The following NCALD variants were observed in gnomAD, a reference collection of about 807,000 sequenced individuals.
The protein encoded by NCALD is neurocalcin-delta.
NCALD carries 10 observed loss-of-function variants against 18.6 expected under a neutral mutation model. The ratio of observed to expected loss-of-function variants is 0.54; its 90% confidence interval spans 0.33 to 0.91. The LOEUF is 0.91. NCALD is among the 40% of genes least tolerant of loss of function. The pLI, the probability that NCALD is intolerant of heterozygous loss-of-function variation, is 0.03. For synonymous variants in NCALD, 88 were observed against 87.4 expected, an observed-to-expected ratio of 1.01 and a Z score of -0.04; for missense variants, 184 against 247.6, an observed-to-expected ratio of 0.74 and a Z score of 1.72.
intron 1 of NCALD, among the ~76,000 whole-genome samples, chr8:101,773,289 C>T (rs1811660133): frequency 1.3e-5 from 2 of 152,186 alleles, no homozygotes; most frequent in Non-Finnish European, 2.9e-5. Context: ...CCTCCCTCAC[C>T]AGTCAGTTCA....
intron 2 of NCALD, among the ~76,000 whole-genome samples, chr8:101,941,801 C>A (rs1299662373): frequency 1.3e-5 from 2 of 152,186 alleles, no homozygotes; most frequent in Non-Finnish European, 2.9e-5. Flanking sequence ...TGTTTGATAT[C>A]AGCTATTTTA....
At position 101,893,909 on chromosome 8, in the gene NCALD, A is replaced by G. The variant is rs1195404446; in HGVS notation, c.-106-6682T>C. 2.7e-5 allele frequency among the ~76,000 whole-genome samples: 4 copies of G among 146,854 alleles called. No homozygotes were observed. The East Asian group carries it at 7.7e-4, about 28-fold the overall frequency. Reference sequence around the variant, plus strand: ...AAGAGACGTAGACTCCCACACATTAATAATGGTAGACTTTAACACCCCACT... The same window carrying G: ...AAGAGACGTAGACTCCCACACATTAGTAATGGTAGACTTTAACACCCCACT... On this transcript the variant is annotated intron_variant, in intron 3 of 6. Transcript: ENST00000311028.
intron 4 of NCALD, among the ~76,000 whole-genome samples, chr8:101,851,579 A>C (rs768434929): frequency 6.6e-5 from 10 of 152,182 alleles, no homozygotes; most frequent in Non-Finnish European, 1.3e-4. Flanking sequence ...ATGAATAATC[A>C]AACTCTGTCT....
At chr8:102,117,736 A>C (rs560810694) in intron 1 of NCALD, among the ~76,000 whole-genome samples, 1 of 152,346 alleles carries the variant, frequency 6.6e-6, no homozygotes, top group African/African-American at 2.4e-5. Context: ...TGAATCAAGT[A>C]TGAAATATGC....
chr8:101,827,161 G>C (rs1025414449), intron 4 of NCALD, among the ~76,000 whole-genome samples: 9 of 152,192 alleles, frequency 5.9e-5, no homozygotes, highest in Non-Finnish European at 1.2e-4. Context: ...GTGGCTGTCA[G>C]CATTCATTGG....
intron 4 of NCALD, among the ~76,000 whole-genome samples, chr8:101,869,847 C>T (rs1441977392): frequency 6.6e-6 from 1 of 152,116 alleles, no homozygotes; most frequent in African/African-American, 2.4e-5. Context: ...TAAAATCATT[C>T]AGGAGTGTGT....
At chr8:101,849,742 G>A (rs1815015561) in intron 4 of NCALD, among the ~76,000 whole-genome samples, 1 of 152,168 alleles carries the variant, frequency 6.6e-6, no homozygotes, top group Admixed American at 6.5e-5. Context: ...GCCCTGAACA[G>A]AATTACGAGC....
intron 2 of NCALD, among the ~76,000 whole-genome samples, chr8:101,716,236 G>A (rs775595077): frequency 7.2e-5 from 11 of 151,972 alleles, no homozygotes; most frequent in Middle Eastern, 3.2e-3. Flanking sequence ...ACCAAACAGC[G>A]CATGTTCTCA....
At position 101,689,415 on chromosome 8, in the gene NCALD, C is replaced by A. The variant is rs1222685018; in HGVS notation, c.485-9G>T. On this transcript the variant is annotated splice_polypyrimidine_tract_variant and intron_variant, in intron 3 of 3. Coordinates refer to ENST00000220931, the MANE Select transcript of NCALD (RefSeq NM_032041.3). This position sits in a 1 kb window ranked among gnomAD's most constrained non-coding sequence, Gnocchi z 4.4. Reference sequence around the variant, plus strand: ...TTCCAGGGAGAGTTTTCCTAGGAAGCAAGAGGACAGGTGAGTGGTGGCTGG... The same window carrying A: ...TTCCAGGGAGAGTTTTCCTAGGAAGAAAGAGGACAGGTGAGTGGTGGCTGG... The A allele has an allele frequency of 1.9e-6, 3 of 1,591,366 alleles. No homozygotes were observed. In the South Asian group the frequency reaches 3.4e-5, roughly 18 times the overall value.
intron 1 of NCALD, among the ~76,000 whole-genome samples, chr8:101,735,009 G>A (rs1817010805): frequency 6.6e-6 from 1 of 152,084 alleles, no homozygotes; most frequent in Admixed American, 6.6e-5. Flanking sequence ...GCCCCAAAAA[G>A]CCATTGAAGG....
intron 3 of NCALD, among the ~76,000 whole-genome samples, chr8:101,893,194 G>A (rs1816986823): frequency 6.6e-6 from 1 of 151,874 alleles, no homozygotes. Context: ...CCAGAAGAGA[G>A]TGGGGGCCAA....
chr8:101,720,055 C>T (rs745806063), intron 1 of NCALD, among the ~76,000 whole-genome samples: 5 of 152,032 alleles, frequency 3.3e-5, no homozygotes, highest in African/African-American at 4.8e-5. Context: ...CAAGTATTAG[C>T]AGGGAAAATT....
At chr8:102,120,776 G>T (rs1825923752) in intron 1 of NCALD, among the ~76,000 whole-genome samples, 1 of 152,120 alleles carries the variant, frequency 6.6e-6, no homozygotes, top group Non-Finnish European at 1.5e-5. Context: ...GTTAAATGAG[G>T]TATTCCATGT....
intron 4 of NCALD, among the ~76,000 whole-genome samples, chr8:101,883,445 T>G (rs1816561915): frequency 6.6e-6 from 1 of 152,228 alleles, no homozygotes; most frequent in Non-Finnish European, 1.5e-5. Context: ...CATTTAAGTC[T>G]TTGTATTGCT....
intron 1 of NCALD, among the ~76,000 whole-genome samples, chr8:102,049,536 G>T (rs989764587): frequency 4.6e-5 from 7 of 152,214 alleles, no homozygotes; most frequent in East Asian, 1.9e-4. Flanking sequence ...TTCAGTTTTT[G>T]ATTCATTTGG....
intron 2 of NCALD, among the ~76,000 whole-genome samples, chr8:101,941,408 T>C (rs927655306): frequency 6.6e-6 from 1 of 152,222 alleles, no homozygotes; most frequent in Non-Finnish European, 1.5e-5. Context: ...GTAATGCTGG[T>C]TCACCTGCTG....
intron 2 of NCALD, among the ~76,000 whole-genome samples, chr8:101,978,989 G>A (rs1037398279): frequency 1.3e-5 from 2 of 152,208 alleles, no homozygotes; most frequent in Non-Finnish European, 2.9e-5. Context: ...GTAGTTCAGA[G>A]TAATGAACAA....
At chr8:101,766,325 T>C (rs1811345008) in intron 1 of NCALD, among the ~76,000 whole-genome samples, 1 of 151,912 alleles carries the variant, frequency 6.6e-6, no homozygotes, top group Non-Finnish European at 1.5e-5. Context: ...ACAGGAATAA[T>C]ACAAGCTCAT....
At chr8:101,732,886 G>A (rs968887815) in intron 1 of NCALD, among the ~76,000 whole-genome samples, 4 of 152,134 alleles carry the variant, frequency 2.6e-5, no homozygotes, top group Non-Finnish European at 4.4e-5. Flanking sequence ...TTACAGCCAT[G>A]AGCCACCATG....
Sources: gnomAD v4.1 joint callset for allele counts (sites outside exome capture counted in the v4.1 genomes callset) on GRCh38, gnomAD v4.1.1 for gene constraint, Gnocchi (gnomAD v3.1) non-coding constraint, MANE v1.5 for transcripts, NCBI Gene and HGNC (gene_info 2026-07-23, HGNC 2026-07-21) for gene names.